Variants in DOP1B observed in about 807,000 individuals in gnomAD.
The protein encoded by DOP1B is DOP1 leucine zipper like protein B, also known as protein DOP1B.
Under a neutral mutation model 233.5 loss-of-function variants are expected in DOP1B, and 174 were observed. The ratio of observed to expected loss-of-function variants is 0.75; its 90% CI spans 0.66 to 0.85. The LOEUF is 0.85. DOP1B is among the 40% of genes least tolerant of loss of function. DOP1B has a pLI of 0.00. For missense variants in DOP1B, 2,652 were observed against 2,846.6 expected (o/e 0.93, Z 1.56); for synonymous variants, 1,190 against 1,185.6 (o/e 1.00, Z -0.08).
intron 2 of DOP1B, among the ~76,000 whole-genome samples, chr21:36,172,970 A>AT (rs1370048279): frequency 1.3e-5 from 2 of 151,994 alleles, no homozygotes; most frequent in African/African-American, 4.8e-5. Flanking sequence ...AATAAAAAAA[A>AT]TTAGCCAGGC....
Position 36,166,208 on chromosome 21 carries a change from T to C in DOP1B, c.138+1337T>C, listed in dbSNP as rs545463800. On this transcript the variant is annotated intron_variant, in intron 2 of 36. Coordinates refer to ENST00000691173, the MANE Select transcript of DOP1B (RefSeq NM_001320714.2). ...CAGCACTTTGGGAGGCCAAGGTGAG[T>C]GGCGGATCACAAAATCAGGAGATCG... Among the ~76,000 whole-genome samples, 7 of 151,078 alleles carry C rather than the reference T, an allele frequency of 4.6e-5. No individual in the cohort carries two copies. In the East Asian group the frequency reaches 1.4e-3, roughly 31 times the overall value.
At chr21:36,226,955 C>T (rs1279179498) in intron 12 of DOP1B, among the ~76,000 whole-genome samples, 1 of 152,040 alleles carries the variant, frequency 6.6e-6, no homozygotes, top group African/African-American at 2.4e-5. Flanking sequence ...TCTGTAATCC[C>T]AGCACTTTGG....
chr21:36,261,194 A>C lies in DOP1B; in HGVS notation c.5315+462A>C, dbSNP rs908831865. ...AGCCTAGTCAACATGGTGAAACCCT[A>C]TCTCTACTAAAAATACAAAAATTAG... On this transcript the variant is annotated intron_variant, in intron 24 of 36. Coordinates refer to ENST00000691173, the MANE Select transcript of DOP1B (RefSeq NM_001320714.2). The C allele has an allele frequency of 1.3e-4, 111 of 859,572 alleles. No individual in the cohort carries two copies. The Middle Eastern group carries it at 3.0e-3, about 23-fold the overall frequency. 53.2% of individuals were successfully genotyped at this position (859,572 alleles called of 1,614,324 possible).
At position 36,250,891 on chromosome 21, in the gene DOP1B, G is replaced by A. The variant is rs569767273; in HGVS notation, c.4999-271G>A. 3.6e-4 allele frequency among the ~76,000 whole-genome samples: 55 copies of A among 152,132 alleles called. 2 individuals are homozygous for A. The highest frequency in any genetic ancestry group is 3.0e-3 in the Admixed American group (46 of 15,282). ...TCTCCCGAGATGCTCCTGGCCAATC[G>A]AGCTGGCCATCCGTCTCTCCACCTT... On this transcript the variant is annotated intron_variant, in intron 21 of 36. Coordinates refer to ENST00000691173, the MANE Select transcript of DOP1B (RefSeq NM_001320714.2).
chr21:36,290,186 G>A (rs2067539378), intron 35 of DOP1B, among the ~76,000 whole-genome samples: 1 of 152,208 alleles, frequency 6.6e-6, no homozygotes, highest in Admixed American at 6.5e-5. Flanking sequence ...CCATTTTGCT[G>A]TGAACCTAAA....
At chr21:36,267,699 G>T (rs1435647888) in intron 26 of DOP1B, among the ~76,000 whole-genome samples, 2 of 144,838 alleles carry the variant, frequency 1.4e-5, no homozygotes, top group Admixed American at 7.1e-5. Context: ...TTCAATGTAG[G>T]TTCTTTCTAT....
Position 36,257,838 on chromosome 21 carries a change from T to G in DOP1B, c.5260-2839T>G, listed in dbSNP as rs1439009197. 9.8e-5 allele frequency among the ~76,000 whole-genome samples: 14 copies of G among 142,764 alleles called. 1 individual carries two copies. Among genetic ancestry groups the G allele is most frequent in the African/African-American group, 3.5e-4 (13 of 37,208 alleles). The allele number at this position is 142,764 out of a possible 152,430, so 93.7% of individuals were successfully genotyped here. ...AGATAGATGTAGGTAGGTAGGTAGA[T>G]GTAGATAGGTAGGTAGGTAGAGAGA... On this transcript the variant is annotated intron_variant, in intron 23 of 36. Coordinates refer to ENST00000691173, the MANE Select transcript of DOP1B (RefSeq NM_001320714.2).
intron 1 of DOP1B, among the ~76,000 whole-genome samples, chr21:36,163,259 G>A (rs1000034884): frequency 4.7e-5 from 7 of 149,268 alleles, no homozygotes; most frequent in South Asian, 2.1e-4. Flanking sequence ...CAGGAGAATC[G>A]CTTGAACCCA....
At chr21:36,208,603 C>T in intron 4 of DOP1B, 112 bp from the exon 5 acceptor site, 2 of 1,186,044 alleles carry the variant, frequency 1.7e-6, no homozygotes, top group South Asian at 1.6e-5. Context: ...GGTGGGGCTT[C>T]CCCAGCCAGG....
chr21:36,168,258 C>G (rs1241718199), intron 2 of DOP1B, among the ~76,000 whole-genome samples: 1 of 152,012 alleles, frequency 6.6e-6, no homozygotes, highest in African/African-American at 2.4e-5. Flanking sequence ...TTTTCTTTAT[C>G]CATTGATCAG....
intron 9 of DOP1B, among the ~76,000 whole-genome samples, chr21:36,215,516 T>C (rs2066549401): frequency 6.6e-6 from 1 of 151,960 alleles, no homozygotes; most frequent in African/African-American, 2.4e-5. Context: ...TTAATTCTCC[T>C]GCCTCAGCTT....
chr21:36,245,684 A>G lies in DOP1B; in HGVS notation c.3704A>G (p.Tyr1235Cys), dbSNP rs374965265. The change falls in exon 19 of 37, where the codon TAC becomes TGC. Residue 1235 changes from tyrosine (Y) to cysteine (C), a missense_variant. Physicochemically the swap from Tyr to Cys is radical, Grantham distance 194 (BLOSUM62 -2). Transcript: ENST00000691173. The surrounding 1 kb of genome is among the most constrained non-coding windows in gnomAD (Gnocchi z 5.5). ...FKHILLYLQPYDSRRVLYAFS... is the reference protein window; with the variant it reads ...FKHILLYLQPCDSRRVLYAFS... The stretch of plus-strand genomic sequence containing the variant: ...CACATCCTGCTCTACCTGCAGCCCT[A>G]CGACTCTCGGCGGGTCCTCTATGCC... The G allele has an allele frequency of 1.6e-5, 26 of 1,613,012 alleles. No homozygotes were observed. Among genetic ancestry groups the G allele is most frequent in the African/African-American group, 2.7e-5 (2 of 74,636 alleles).
chr21:36,264,447 A>C (rs560663315), intron 26 of DOP1B, among the ~76,000 whole-genome samples: 13 of 151,558 alleles, frequency 8.6e-5, no homozygotes, highest in African/African-American at 2.9e-4. Flanking sequence ...ATCTCCATAC[A>C]TGGATATTTC....
At chr21:36,214,022 A>G (rs1292504123) in intron 7 of DOP1B, 59 bp from the exon 8 acceptor site, 1 of 1,359,024 alleles carries the variant, frequency 7.4e-7, no homozygotes. Context: ...ACTTTTGCAC[A>G]ATATGATGTC....
intron 2 of DOP1B, among the ~76,000 whole-genome samples, chr21:36,191,383 A>G (rs1437227912): frequency 6.6e-6 from 1 of 152,184 alleles, no homozygotes; most frequent in Non-Finnish European, 1.5e-5. Flanking sequence ...GCTCACTCTC[A>G]AGAGAGCTGC....
intron 18 of DOP1B, among the ~76,000 whole-genome samples, chr21:36,240,167 C>CA (rs2066877111): frequency 6.6e-6 from 1 of 152,020 alleles, no homozygotes; most frequent in Admixed American, 6.6e-5. Flanking sequence ...ACTGAAAAAC[C>CA]AGATTGTTTT....
intron 15 of DOP1B, 117 bp from the exon 16 acceptor site, chr21:36,237,145 C>T: frequency 7.3e-7 from 1 of 1,373,392 alleles, no homozygotes; most frequent in East Asian, 2.3e-5. Context: ...AGGATTCTCA[C>T]ATGGCAAGTA....
intron 30 of DOP1B, among the ~76,000 whole-genome samples, chr21:36,278,702 TA>T (rs2067382186): frequency 6.6e-6 from 1 of 151,896 alleles, no homozygotes; most frequent in Non-Finnish European, 1.5e-5. Flanking sequence ...ACCCCGTCTC[TA>T]CAAAAAAATT....
At chr21:36,258,509 A>G (rs2123628047) in intron 23 of DOP1B, among the ~76,000 whole-genome samples, 1 of 152,174 alleles carries the variant, frequency 6.6e-6, no homozygotes, top group Non-Finnish European at 1.5e-5. Context: ...CCCAATCATC[A>G]CACTAATGAA....
Sources: gnomAD v4.1 joint callset for allele counts (sites outside exome capture counted in the v4.1 genomes callset) on GRCh38, gnomAD v4.1.1 for gene constraint, Gnocchi (gnomAD v3.1) non-coding constraint, MANE v1.5 for transcripts, NCBI Gene and HGNC (gene_info 2026-07-23, HGNC 2026-07-21) for gene names.